Variants in GEN1 observed in about 807,000 individuals in gnomAD.
GEN1 encodes GEN1 structure-specific endonuclease.
Under a neutral mutation model 67.6 loss-of-function variants are expected in GEN1, and 64 were observed. The ratio of observed to expected loss-of-function variants is 0.95; its 90% confidence interval spans 0.77 to 1.17. The LOEUF (loss-of-function observed/expected upper bound fraction) is 1.17, where lower values mean the gene tolerates loss of function less well. Among genes scored for constraint, GEN1 ranks in the 50% most tolerant of loss-of-function variants. The pLI, the probability that GEN1 is intolerant of heterozygous loss-of-function variation, is 0.00. For synonymous variants in GEN1, 371 were observed against 359.4 expected (o/e 1.03, Z -0.37); for missense variants, 1,058 against 1,048.3 (o/e 1.01, Z -0.13).
Position 17,765,093 on chromosome 2 carries a change from T to A in GEN1, c.525+20T>A. 1 of 1,609,944 alleles carries A rather than the reference T, an allele frequency of 6.2e-7. No individual in the cohort carries two copies. Among genetic ancestry groups the A allele is most frequent in the Non-Finnish European group, 8.5e-7 (1 of 1,177,410 alleles). Reference sequence around the variant, plus strand: ...ACAAAGGTGTTTATTTTCTTTCTCTTTTTCAGCATTTGTTTACGAACTACC... The same window carrying A: ...ACAAAGGTGTTTATTTTCTTTCTCTATTTCAGCATTTGTTTACGAACTACC... On this transcript the variant is annotated intron_variant, in intron 4 of 13. Transcript: ENST00000381254.
chr2:17,768,119 G>T (rs754837284), intron 5 of GEN1, among the ~76,000 whole-genome samples: 1 of 152,158 alleles, frequency 6.6e-6, no homozygotes, highest in Non-Finnish European at 1.5e-5. Flanking sequence ...GTGTGTACTG[G>T]TTAAATAACA....
chr2:17,765,478 G>A (rs1392902692), intron 4 of GEN1, among the ~76,000 whole-genome samples: 4 of 152,196 alleles, frequency 2.6e-5, no homozygotes, highest in African/African-American at 9.6e-5. Context: ...CAGCCCGAGT[G>A]CTCATTGATA....
rs1165931074 is a variant in GEN1, at chr2:17,786,069, C to T, written c.*4130C>T. On this transcript the variant is annotated 3_prime_UTR_variant, in exon 14 of 14. Coordinates refer to ENST00000381254, the MANE Select transcript of GEN1 (RefSeq NM_001130009.3). ...CTGTGACCCTGGAGACATTTTCTAA[C>T]TTTTCTGAGACTCATTTATTCAAAT... 6.6e-6 allele frequency: 1 copy of T among 152,176 alleles called. No individual in the cohort carries two copies. The highest frequency in any genetic ancestry group is 1.5e-5 in the Non-Finnish European group (1 of 68,042). The allele number at this position is 152,176 out of a possible 1,614,324, so 9.4% of individuals were successfully genotyped here.
chr2:17,769,392 T>A (rs958056378), intron 6 of GEN1, among the ~76,000 whole-genome samples: 1 of 152,140 alleles, frequency 6.6e-6, no homozygotes, highest in South Asian at 2.1e-4. Context: ...TACTGCATTT[T>A]AAAAAATCTA....
At position 17,784,728 on chromosome 2, in the gene GEN1, G is replaced by A. The variant is rs1207758204; in HGVS notation, c.*2789G>A. 1 of 152,190 alleles carries A rather than the reference G, an allele frequency of 6.6e-6. No homozygotes were observed. Among genetic ancestry groups the A allele is most frequent in the Admixed American group, 6.5e-5 (1 of 15,276 alleles). 9.4% of individuals were successfully genotyped at this position (152,190 alleles called of 1,614,324 possible). A position where few individuals can be genotyped will look rare whatever the true frequency, so the allele number is the denominator to read the frequency against. The stretch of plus-strand genomic sequence containing the variant: ...AGTCGTTGCTAAAACATTTTCCAAG[G>A]TTCTGCTTATTCTGATTTGTTCAGT... On this transcript the variant is annotated 3_prime_UTR_variant, in exon 14 of 14. Coordinates refer to ENST00000381254, the MANE Select transcript of GEN1 (RefSeq NM_001130009.3).
chr2:17,767,741 A>G (rs1179285069), intron 5 of GEN1, among the ~76,000 whole-genome samples: 1 of 152,250 alleles, frequency 6.6e-6, no homozygotes, highest in Non-Finnish European at 1.5e-5. Context: ...TGCATTAGCC[A>G]TAGCTATATT....
intron 1 of GEN1, among the ~76,000 whole-genome samples, chr2:17,758,149 A>G (rs1671510674): frequency 6.6e-6 from 1 of 152,202 alleles, no homozygotes; most frequent in South Asian, 2.1e-4. Flanking sequence ...TACTATTATA[A>G]ACAATGCTAC....
At chr2:17,771,812 A>G (rs1672203685) in intron 7 of GEN1, among the ~76,000 whole-genome samples, 1 of 151,640 alleles carries the variant, frequency 6.6e-6, no homozygotes, top group Non-Finnish European at 1.5e-5. Flanking sequence ...ACACTACGGA[A>G]CACGTACTGG....
chr2:17,772,735 C>T lies in GEN1; in HGVS notation c.904C>T (p.Arg302Cys), dbSNP rs202192107. Residue 302 changes from arginine (R) to cysteine (C), a missense_variant, in exon 8 of 14, where the codon CGT (arginine) becomes TGT (cysteine). Arg to Cys is a radical substitution (Grantham distance 180). Coordinates refer to ENST00000381254, the MANE Select transcript of GEN1 (RefSeq NM_001130009.3). The part of the protein sequence containing the change: ...YEYCCPCEWH[R>C]TEHDRQLSEV... The stretch of plus-strand genomic sequence containing the variant: ...ATACTGCTGTCCTTGTGAGTGGCAC[C>T]GTACAGAACATGATAGGCAACTCAG... 1.2e-5 allele frequency: 19 copies of T among 1,611,274 alleles called. No homozygotes were observed. Among genetic ancestry groups the T allele is most frequent in the Admixed American group, 6.7e-5 (4 of 59,788 alleles).
chr2:17,776,315 T>C (rs1050441251), intron 11 of GEN1, among the ~76,000 whole-genome samples: 6 of 152,120 alleles, frequency 3.9e-5, no homozygotes, highest in Non-Finnish European at 7.4e-5. Flanking sequence ...TTCTGAATTG[T>C]TTTTAAGTCA....
At chr2:17,767,239 A>T (rs1056114251) in intron 5 of GEN1, among the ~76,000 whole-genome samples, 1 of 152,220 alleles carries the variant, frequency 6.6e-6, no homozygotes, top group Non-Finnish European at 1.5e-5. Context: ...CAGGTGAGTG[A>T]TGAGTTAAGT....
chr2:17,774,430 G>C, intron 11 of GEN1, 29 bp downstream of exon 11: 1 of 1,531,958 alleles, frequency 6.5e-7, no homozygotes, highest in African/African-American at 1.4e-5. Context: ...TGGTGAAGGT[G>C]GTGTTTTTAC....
At chr2:17,779,175 G>A (rs1391981314) in intron 12 of GEN1, among the ~76,000 whole-genome samples, 5 of 152,120 alleles carry the variant, frequency 3.3e-5, no homozygotes, top group African/African-American at 1.2e-4. Context: ...CACCCACTTC[G>A]GCCTCCCAAA....
At chr2:17,754,046 G>C (rs550656830), upstream of GEN1, 6 of 152,342 alleles carry the variant, frequency 3.9e-5, no homozygotes, top group African/African-American at 1.4e-4. Context: ...CCGCTAGGCC[G>C]GCTGGGAGCC....
rs1323080913 is a variant in GEN1, at chr2:17,788,607, A to T, written c.*6668A>T. ...TATTCCAAGACCCAAAAAGGAAAAT[A>T]ACCTCCCCAAATGGTAAAAACTGCT... On this transcript the variant is annotated 3_prime_UTR_variant, in exon 14 of 14. Coordinates refer to ENST00000381254, the MANE Select transcript of GEN1 (RefSeq NM_001130009.3). The T allele has an allele frequency of 2.0e-5, 3 of 152,202 alleles. No homozygotes were observed. The highest frequency in any genetic ancestry group is 4.4e-5 in the Non-Finnish European group (3 of 68,034). 9.4% of individuals were successfully genotyped at this position (152,202 alleles called of 1,614,324 possible).
rs917648057 is a variant in GEN1 at position 17,781,707 on chromosome 2, T to G, written c.2495T>G (p.Phe832Cys). The change falls in exon 14 of 14, where the codon TTC becomes TGC. Residue 832 changes from phenylalanine to cysteine, a missense_variant. Coordinates refer to ENST00000381254, the MANE Select transcript of GEN1 (RefSeq NM_001130009.3). ...TCTCAAAAGCATAATTCATCCCATT[T>G]CAAAGAAAGTGGCCATAACAAGTTG... ...HSSQKHNSSH[F>C]KESGHNKLSS... 1.9e-6 allele frequency: 3 copies of G among 1,613,364 alleles called. No homozygotes were observed.
At chr2:17,771,808 C>T (rs1436695149) in intron 7 of GEN1, among the ~76,000 whole-genome samples, 7 of 149,382 alleles carry the variant, frequency 4.7e-5, no homozygotes, top group Non-Finnish European at 7.4e-5. Context: ...AAAGACACTA[C>T]GGAACACGTA....
intron 11 of GEN1, among the ~76,000 whole-genome samples, chr2:17,777,262 T>C (rs1006639390): frequency 6.6e-6 from 1 of 152,208 alleles, no homozygotes; most frequent in Non-Finnish European, 1.5e-5. Flanking sequence ...TTGGATAATT[T>C]AATAAACTGA....
At chr2:17,774,591 A>C in intron 11 of GEN1, 190 bp downstream of exon 11, 1 of 311,282 alleles carries the variant, frequency 3.2e-6, no homozygotes, top group South Asian at 8.3e-5. Context: ...TTCTACTTCA[A>C]ACACATAGTA....
Sources: allele counts gnomAD v4.1 joint callset (sites outside exome capture counted in the v4.1 genomes callset), GRCh38; gene constraint gnomAD v4.1.1; transcripts MANE v1.5; gene names NCBI Gene and HGNC (gene_info 2026-07-23, HGNC 2026-07-21).